Variants in DEF6 observed in about 807,000 individuals in gnomAD.
DEF6 encodes the protein differentially expressed in FDCP 6 homolog.
A neutral mutation model predicts 80.5 loss-of-function variants in DEF6; 32 were observed. That is an observed-to-expected ratio of 0.40 (90% CI 0.30 to 0.53). The LOEUF is 0.53. DEF6 is among the 20% of genes least tolerant of loss of function. The pLI is 0.57. For missense variants in DEF6, 575 were observed against 818.7 expected (o/e 0.70, Z 3.63); for synonymous variants, 300 against 337.9 (o/e 0.89, Z 1.23).
Position 35,300,689 on chromosome 6 carries a change from G to C in DEF6, c.96+2737G>C, listed in dbSNP as rs527652749. 2.0e-5 allele frequency among the ~76,000 whole-genome samples: 3 copies of C among 152,336 alleles called. No individual in the cohort carries two copies. In the South Asian group the frequency reaches 6.2e-4, roughly 32 times the overall value. On this transcript the variant is annotated intron_variant, in intron 1 of 10. Coordinates refer to ENST00000316637, the MANE Select transcript of DEF6 (RefSeq NM_022047.4). Reference sequence around the variant, plus strand: ...CCAATAGGAATGGCACTCCTGCCCAGGATGGATTTAGGTTGAACACAAAAC... The same window carrying C: ...CCAATAGGAATGGCACTCCTGCCCACGATGGATTTAGGTTGAACACAAAAC...
rs1313454716 is a variant in DEF6 at position 35,317,903 on chromosome 6, C to G, written c.820C>G (p.Arg274Gly). The G allele has an allele frequency of 1.2e-6, 2 of 1,613,494 alleles. No individual in the cohort carries two copies. ...AHCCVEVLPD[R>G]DGKRCMFCVK... Reference sequence around the variant, plus strand: ...TACCCTGTGCCAGGTGCTGCCAGACCGCGACGGAAAGCGCTGCATGTTCTG... The same window carrying G: ...TACCCTGTGCCAGGTGCTGCCAGACGGCGACGGAAAGCGCTGCATGTTCTG... Residue 274 changes from arginine (R) to glycine (G), a missense_variant, in exon 6 of 11, where the codon CGC becomes GGC. Arg to Gly is a moderately radical substitution (Grantham distance 125). Transcript: ENST00000316637.
chr6:35,317,994 C>A lies in DEF6; in HGVS notation c.911C>A (p.Thr304Lys). 6.2e-7 allele frequency: 1 copy of A among 1,613,090 alleles called. No individual in the cohort carries two copies. Among genetic ancestry groups the A allele is most frequent in the Non-Finnish European group, 8.5e-7 (1 of 1,179,534 alleles). ...ASDTRQRQEW[T>K]AAIQMAIRLQ... ...GACACGCGCCAGCGCCAGGAGTGGA[C>A]AGCTGGTGAGTGCTCGCTAGGTGGC... The change falls in exon 6 of 11, where the codon ACA becomes AAA. Residue 304 changes from threonine to lysine, a missense_variant. Thr to Lys is a moderately conservative substitution (Grantham distance 78). Transcript: ENST00000316637.
intron 1 of DEF6, among the ~76,000 whole-genome samples, 191 bp from the exon 2 acceptor site, chr6:35,309,479 A>G (rs529612861): frequency 5.9e-5 from 9 of 152,310 alleles, no homozygotes; most frequent in African/African-American, 2.2e-4. Context: ...GGTTAAGCAA[A>G]TGATATGTAA....
chr6:35,301,552 T>A (rs1791314572), intron 1 of DEF6, among the ~76,000 whole-genome samples: 1 of 152,184 alleles, frequency 6.6e-6, no homozygotes, highest in African/African-American at 2.4e-5. Context: ...ACTGGGCCTC[T>A]GTCTCCTTTG....
intron 5 of DEF6, 155 bp from the exon 6 acceptor site, chr6:35,317,735 AT>A: frequency 5.8e-6 from 3 of 517,484 alleles, no homozygotes; most frequent in Non-Finnish European, 6.8e-6. Context: ...TAAGTCCCCC[AT>A]AACTTATGAT....
chr6:35,312,715 T>C lies in DEF6; in HGVS notation c.750T>C (p.Ser250=). The C allele has an allele frequency of 6.2e-7, 1 of 1,612,336 alleles. No homozygotes were observed. The highest frequency in any genetic ancestry group is 8.5e-7 in the Non-Finnish European group (1 of 1,179,534). The change falls in exon 5 of 11, where the codon AGT becomes AGC. Residue 250 remains serine, a synonymous_variant. Transcript: ENST00000316637. This position sits in a 1 kb window ranked among gnomAD's most constrained non-coding sequence, Gnocchi z 6.6. ...LQPSCLCYFG[S]EECKEKRGII... is the part of the protein sequence containing the mutation. ...CCAGCTGCCTCTGCTACTTTGGGAGTGAAGAGTGCAAAGAGAAAAGGGGCA... is the reference window on the plus strand; with the variant it reads ...CCAGCTGCCTCTGCTACTTTGGGAGCGAAGAGTGCAAAGAGAAAAGGGGCA...
intron 1 of DEF6, among the ~76,000 whole-genome samples, chr6:35,299,556 A>T (rs780502836): frequency 6.6e-6 from 1 of 152,048 alleles, no homozygotes; most frequent in Non-Finnish European, 1.5e-5. Context: ...TTGCCCTCTA[A>T]AAGGGCCACT....
At chr6:35,299,335 C>T (rs897919480) in intron 1 of DEF6, among the ~76,000 whole-genome samples, 18 of 152,194 alleles carry the variant, frequency 1.2e-4, no homozygotes, top group African/African-American at 4.1e-4. Context: ...CCACCCCTAC[C>T]TCCCACCCTG....
rs776123033 is a variant in DEF6, at chr6:35,297,978, A to G, written c.96+26A>G. 3.8e-6 allele frequency: 6 copies of G among 1,560,964 alleles called. No homozygotes were observed. The South Asian group carries it at 4.7e-5, about 12-fold the overall frequency. On this transcript the variant is annotated intron_variant, in intron 1 of 10. Transcript: ENST00000316637. ...GTGAGGGGCACCCGGGACCCGGGGG[A>G]GGACGGCAGATGCACCACACCAGCC...
intron 1 of DEF6, among the ~76,000 whole-genome samples, chr6:35,305,650 C>G (rs1171189644): frequency 2.0e-5 from 3 of 151,684 alleles, no homozygotes; most frequent in African/African-American, 7.3e-5. Context: ...CCTGGCTCAC[C>G]TCAACCGCCA....
In DEF6 at chr6:35,320,018, G is replaced by A; in HGVS notation, c.1581+1G>A. 1 of 1,558,646 alleles carries A rather than the reference G, an allele frequency of 6.4e-7. No individual in the cohort carries two copies. ...GCAGAGGGCTGACGAGGATGTGGAG[G>A]TGAGGCCTGGGGTGGGATGGGGTGG... On this transcript the variant is annotated splice_donor_variant, in intron 9 of 10. Coordinates refer to ENST00000316637, the MANE Select transcript of DEF6 (RefSeq NM_022047.4). LOFTEE classifies it high-confidence loss of function.
intron 1 of DEF6, 100 bp from the exon 2 acceptor site, chr6:35,309,566 TCAGC>T: frequency 7.3e-7 from 1 of 1,375,952 alleles, no homozygotes; most frequent in Non-Finnish European, 1.0e-6. Flanking sequence ...TGTAGAGAAC[TCAGC>T]CAGGATGGGG....
chr6:35,304,886 A>T (rs776874579), intron 1 of DEF6, among the ~76,000 whole-genome samples: 3 of 151,682 alleles, frequency 2.0e-5, no homozygotes, highest in Non-Finnish European at 4.4e-5. Context: ...TATTGTTTTA[A>T]ATTTTATCCT....
chr6:35,303,911 T>C (rs1791357772), intron 1 of DEF6, among the ~76,000 whole-genome samples: 1 of 152,102 alleles, frequency 6.6e-6, no homozygotes, highest in South Asian at 2.1e-4. Context: ...GGCGGGTGGA[T>C]CACCTAAGTC....
At chr6:35,305,559 T>TC (rs1791377756) in intron 1 of DEF6, among the ~76,000 whole-genome samples, 1 of 151,952 alleles carries the variant, frequency 6.6e-6, no homozygotes, top group Non-Finnish European at 1.5e-5. Context: ...ATTTTTTTTT[T>TC]GTGGGGGTGT....
chr6:35,298,511 C>T (rs568607398), intron 1 of DEF6, among the ~76,000 whole-genome samples: 15 of 152,130 alleles, frequency 9.9e-5, no homozygotes, highest in African/African-American at 2.9e-4. Flanking sequence ...TATACTGCTA[C>T]GCAGCTCACC....
intron 1 of DEF6, among the ~76,000 whole-genome samples, chr6:35,305,101 T>A (rs1379067501): frequency 6.9e-6 from 1 of 145,420 alleles, no homozygotes; most frequent in Admixed American, 6.7e-5. Flanking sequence ...TGAGCCACCA[T>A]GGCCTGGGCA....
chr6:35,319,702 G>T lies in DEF6; in HGVS notation c.1382+12G>T. ...ATCGCTCAGACCAGGTAGGCCTGAG[G>T]AACCTCTTCTGGTTCTCTCACCACC... On this transcript the variant is annotated intron_variant, in intron 8 of 10. Coordinates refer to ENST00000316637, the MANE Select transcript of DEF6 (RefSeq NM_022047.4). This position sits in a 1 kb window ranked among gnomAD's most constrained non-coding sequence, Gnocchi z 4.5. 6.2e-7 allele frequency: 1 copy of T among 1,607,042 alleles called. No individual in the cohort carries two copies. The highest frequency in any genetic ancestry group is 1.1e-5 in the South Asian group (1 of 90,610).
In DEF6 at chr6:35,319,775, G is replaced by A. The variant is rs1250218096; in HGVS notation, c.1383-44G>A. ...TTCCTGCTTGCTGTGCACCTGCAAG[G>A]TGCCTTGGCACTAGAGGCTACACAG... On this transcript the variant is annotated intron_variant, in intron 8 of 10. Transcript: ENST00000316637. This position sits in a 1 kb window ranked among gnomAD's most constrained non-coding sequence, Gnocchi z 4.5. The A allele has an allele frequency of 1.4e-5, 23 of 1,610,214 alleles. No individual in the cohort carries two copies. The highest frequency in any genetic ancestry group is 4.0e-5 in the African/African-American group (3 of 74,828).
Sources: gnomAD v4.1 joint callset for allele counts (sites outside exome capture counted in the v4.1 genomes callset) on GRCh38, gnomAD v4.1.1 for gene constraint, Gnocchi (gnomAD v3.1) non-coding constraint, MANE v1.5 for transcripts, NCBI Gene and HGNC (gene_info 2026-07-23, HGNC 2026-07-21) for gene names.